Variants in DDI2 observed in about 807,000 individuals in gnomAD.
DDI2 encodes the protein protein DDI1 homolog 2.
In DDI2, 5 loss-of-function variants were observed where a neutral mutation model predicts 48.1. The observed-to-expected ratio is 0.10, with a 90% CI of 0.05 to 0.22. DDI2 has a LOEUF of 0.22. Among genes scored for constraint, DDI2 ranks in the 10% least tolerant of loss-of-function variants. The probability of loss-of-function intolerance (pLI) is 1.00; values close to 1 mark genes in which losing one functional copy is unlikely to be tolerated. For synonymous variants in DDI2, 205 were observed against 183.6 expected (o/e 1.12, Z -0.94); for missense variants, 285 against 506.2 (o/e 0.56, Z 4.19).
At chr1:15,638,576 C>T in intron 5 of DDI2, 142 bp downstream of exon 5, 3 of 954,868 alleles carry the variant, frequency 3.1e-6, no homozygotes, top group Non-Finnish European at 3.0e-6. Flanking sequence ...GCTCTGTCAC[C>T]CAGGCCAAAG....
intron 2 of DDI2, among the ~76,000 whole-genome samples, chr1:15,627,958 C>G (rs576395376): frequency 5.3e-5 from 8 of 152,224 alleles, no homozygotes; most frequent in Non-Finnish European, 1.2e-4. Context: ...GTTAAAACTT[C>G]TTTCTGAAGA....
At chr1:15,632,077 T>C (rs1639855175) in intron 3 of DDI2, among the ~76,000 whole-genome samples, 1 of 152,124 alleles carries the variant, frequency 6.6e-6, no homozygotes, top group South Asian at 2.1e-4. Flanking sequence ...GTACTGAGAT[T>C]ACAGGCGTGA....
chr1:15,661,450 A>C lies in DDI2; in HGVS notation c.*1660A>C, dbSNP rs540216336. The C allele has an allele frequency of 6.2e-7, 1 of 1,614,126 alleles. No individual in the cohort carries two copies. Among genetic ancestry groups the C allele is most frequent in the South Asian group, 1.1e-5 (1 of 91,082 alleles). On this transcript the variant is annotated 3_prime_UTR_variant, in exon 10 of 10. Transcript: ENST00000480945. ...ATTGGTTAAAGACTTAGGTCAGGGC[A>C]TACAGAATTCAGTAACAGACAGGCC...
rs1400953473 is a variant in DDI2 at position 15,662,794 on chromosome 1, A to C, written c.*3004A>C. 6.6e-6 allele frequency: 1 copy of C among 152,126 alleles called. No homozygotes were observed. The highest frequency in any genetic ancestry group is 1.5e-5 in the Non-Finnish European group (1 of 68,028). The allele number at this position is 152,126 out of a possible 1,614,324, so 9.4% of individuals were successfully genotyped here. A position where few individuals can be genotyped will look rare whatever the true frequency, so the allele number is the denominator to read the frequency against. On this transcript the variant is annotated 3_prime_UTR_variant, in exon 10 of 10. Transcript: ENST00000480945. ...CTTGGAACGGTCAGTCTATTTGGAG[A>C]GTGTCCTTTGTGGCAGTGGAAATAG...
rs1266474242 is a variant in DDI2 at position 15,667,758 on chromosome 1, AACT to A, written c.*7973_*7975del. 1 of 152,230 alleles carries A rather than the reference AACT, an allele frequency of 6.6e-6. No homozygotes were observed. Among genetic ancestry groups the A allele is most frequent in the Non-Finnish European group, 1.5e-5 (1 of 68,042 alleles). 9.4% of individuals were successfully genotyped at this position (152,230 alleles called of 1,614,324 possible). A position where few individuals can be genotyped will look rare whatever the true frequency, so the allele number is the denominator to read the frequency against. On this transcript the variant is annotated 3_prime_UTR_variant, in exon 10 of 10. Coordinates refer to ENST00000480945, the MANE Select transcript of DDI2 (RefSeq NM_032341.5). ...CATACAGGTAGAATTTCTGGATCGT[AACT>A]ACTAGTGACTTCTGAGGTTTACAGT...
rs1640474177 is a variant in DDI2, at chr1:15,667,600, ATGGCTGGGATTGG to A, written c.*7814_*7826del. The A allele has an allele frequency of 6.6e-6, 1 of 152,268 alleles. No homozygotes were observed. The highest frequency in any genetic ancestry group is 2.4e-5 in the African/African-American group (1 of 41,452). 9.4% of individuals were successfully genotyped at this position (152,268 alleles called of 1,614,324 possible). On this transcript the variant is annotated 3_prime_UTR_variant, in exon 10 of 10. Coordinates refer to ENST00000480945, the MANE Select transcript of DDI2 (RefSeq NM_032341.5). The stretch of plus-strand genomic sequence containing the variant: ...TCTAGAGCAGAACATGTAATCAGCG[ATGGCTGGGATTGG>A]TGGACAGGATTGACAGGAGTATTTG...
chr1:15,656,368 A>G (rs1640273854), intron 8 of DDI2: 2 of 1,356,144 alleles, frequency 1.5e-6, no homozygotes, highest in Non-Finnish European at 1.9e-6. Flanking sequence ...CTATGTGTAG[A>G]AACAAAATTA....
chr1:15,656,348 C>T (rs759916835), intron 8 of DDI2: 227 of 1,249,522 alleles, frequency 1.8e-4, no homozygotes, highest in Non-Finnish European at 2.3e-4. Flanking sequence ...CACATTTGCC[C>T]GTGAATTCTC....
chr1:15,617,657 G>A lies in DDI2; in HGVS notation c.-14G>A, dbSNP rs756354196. 3.5e-6 allele frequency: 5 copies of A among 1,432,104 alleles called. No homozygotes were observed. The allele number at this position is 1,432,104 out of a possible 1,614,324, so 88.7% of individuals were successfully genotyped here. On this transcript the variant is annotated 5_prime_UTR_variant, in exon 1 of 10. Transcript: ENST00000480945. ...GCCGGGCCGAGCCGAGCCGAGCCGG[G>A]TCGGGCCCGGGCCATGCTGCTCACC...
intron 3 of DDI2, among the ~76,000 whole-genome samples, chr1:15,631,501 T>C (rs1456824460): frequency 6.6e-6 from 1 of 152,228 alleles, no homozygotes; most frequent in African/African-American, 2.4e-5. Flanking sequence ...TTGGGTTAAG[T>C]CTAAAAACAT....
rs1229406529 is a variant in DDI2 at position 15,617,484 on chromosome 1, G to T, written c.-187G>T. ...GACGGACTCGCAGGCGTGTGGCGGCGGCCGTGCTTGCTAGTGAGGGCGGGA... is the reference window on the plus strand; with the variant it reads ...GACGGACTCGCAGGCGTGTGGCGGCTGCCGTGCTTGCTAGTGAGGGCGGGA... On this transcript the variant is annotated 5_prime_UTR_variant, in exon 1 of 10. Transcript: ENST00000480945. 2.7e-6 allele frequency: 1 copy of T among 373,626 alleles called. No individual in the cohort carries two copies. Among genetic ancestry groups the T allele is most frequent in the African/African-American group, 2.1e-5 (1 of 47,200 alleles). 23.1% of individuals were successfully genotyped at this position (373,626 alleles called of 1,614,324 possible). A position where few individuals can be genotyped will look rare whatever the true frequency, so the allele number is the denominator to read the frequency against.
At chr1:15,647,986 A>T (rs574603430) in intron 6 of DDI2, among the ~76,000 whole-genome samples, 56 of 152,304 alleles carry the variant, frequency 3.7e-4, no homozygotes, top group Middle Eastern at 3.4e-3. Flanking sequence ...TTTTTTACAA[A>T]TAAAAGAGTG....
intron 1 of DDI2, 132 bp downstream of exon 1, chr1:15,617,940 C>G: frequency 1.5e-6 from 2 of 1,312,394 alleles, no homozygotes; most frequent in South Asian, 3.4e-5. Flanking sequence ...CAGGTCACCC[C>G]CGCATCCGGA....
chr1:15,647,048 A>G (rs1303363949), intron 6 of DDI2, among the ~76,000 whole-genome samples: 8 of 152,226 alleles, frequency 5.3e-5, no homozygotes, highest in East Asian at 1.9e-4. Flanking sequence ...CATTTTCCCA[A>G]TGTCACCATG....
intron 6 of DDI2, among the ~76,000 whole-genome samples, chr1:15,648,937 A>G (rs901559174): frequency 6.6e-6 from 1 of 152,010 alleles, no homozygotes; most frequent in Non-Finnish European, 1.5e-5. Flanking sequence ...GGAGTTCTTT[A>G]AAAATAGGTC....
intron 3 of DDI2, among the ~76,000 whole-genome samples, chr1:15,632,698 T>A (rs1236934931): frequency 1.3e-5 from 2 of 152,062 alleles, no homozygotes; most frequent in Non-Finnish European, 2.9e-5. Flanking sequence ...AGGCAGGGCA[T>A]GTTATAAAAG....
chr1:15,634,732 G>A lies in DDI2; in HGVS notation c.632+1167G>A, dbSNP rs140743387. Among the ~76,000 whole-genome samples the A allele has an allele frequency of 8.7e-3, 1,323 of 151,658 alleles. 18 individuals are homozygous for A. The highest frequency in any genetic ancestry group is 0.029 in the African/African-American group (1,211 of 41,294). On this transcript the variant is annotated intron_variant, in intron 4 of 9. Transcript: ENST00000480945. ...TTTTTTGTAGAGACAGGATTTCACT[G>A]TGTTGCCCAGGCTGGTCTTGAACTC...
intron 8 of DDI2, among the ~76,000 whole-genome samples, chr1:15,653,395 G>A (rs1426836308): frequency 6.6e-6 from 1 of 151,642 alleles, no homozygotes; most frequent in Non-Finnish European, 1.5e-5. Context: ...AGATCCTCTC[G>A]CCTCCGCCTC....
At chr1:15,642,192 C>A (rs1037797899) in intron 5 of DDI2, among the ~76,000 whole-genome samples, 1 of 152,072 alleles carries the variant, frequency 6.6e-6, no homozygotes, top group Non-Finnish European at 1.5e-5. Context: ...ATGTCCAGTG[C>A]ACAAGAATGT....
Sources: allele counts gnomAD v4.1 joint callset (sites outside exome capture counted in the v4.1 genomes callset), GRCh38; gene constraint gnomAD v4.1.1; transcripts MANE v1.5; gene names NCBI Gene and HGNC (gene_info 2026-07-23, HGNC 2026-07-21).